MEF2C: variants seen among roughly 807,000 people sequenced by gnomAD.
MEF2C encodes myocyte-specific enhancer factor 2C.
Under a neutral mutation model 50.5 loss-of-function variants are expected in MEF2C, and 6 were observed. That is an observed-to-expected ratio of 0.12 (90% confidence interval 0.07 to 0.23). The LOEUF (loss-of-function observed/expected upper bound fraction) is 0.23. Ranked by LOEUF, MEF2C falls within the 10% of genes least tolerant of loss-of-function variation. MEF2C has a pLI of 1.00. For missense variants in MEF2C, 276 were observed against 605.0 expected, an observed-to-expected ratio of 0.46 and a Z score of 5.70; for synonymous variants, 183 against 228.0, an observed-to-expected ratio of 0.80 and a Z score of 1.78.
At chr5:88,739,759 T>G (rs2152398383) in intron 6 of MEF2C, 1 of 984,794 alleles carries the variant, frequency 1.0e-6, no homozygotes, top group Non-Finnish European at 1.2e-6. Context: ...AAAAAGATAT[T>G]TTACATTGAA....
chr5:88,843,134 G>A (rs190091170), intron 1 of MEF2C, among the ~76,000 whole-genome samples: 12 of 150,614 alleles, frequency 8.0e-5, no homozygotes, highest in African/African-American at 2.7e-4. Flanking sequence ...CAACCCTAAC[G>A]TTTTTCCTAT....
rs138128802 is a variant in MEF2C, at chr5:88,844,546, C to T, written c.-142-20616G>A. 1.2e-5 allele frequency: 5 copies of T among 406,152 alleles called. No homozygotes were observed. The East Asian group carries it at 4.8e-4, about 39-fold the overall frequency. 25.2% of individuals were successfully genotyped at this position (406,152 alleles called of 1,614,324 possible). A position where few individuals can be genotyped will look rare whatever the true frequency, so the allele number is the denominator to read the frequency against. On this transcript the variant is annotated intron_variant, in intron 1 of 10. Coordinates refer to ENST00000504921, the MANE Select transcript of MEF2C (RefSeq NM_002397.5). ...GAGAAGGGTTTTTGTTTTGTTTCTG[C>T]TTGGTTTTTTGTTACCACTCTTTGA...
At chr5:88,864,677 G>T (rs1036635173) in intron 1 of MEF2C, among the ~76,000 whole-genome samples, 7 of 151,952 alleles carry the variant, frequency 4.6e-5, no homozygotes, top group Non-Finnish European at 1.0e-4. Flanking sequence ...GCACAGCCTT[G>T]AAGTCCTGGC....
At chr5:88,785,971 G>T (rs1790671468) in intron 3 of MEF2C, among the ~76,000 whole-genome samples, 1 of 152,124 alleles carries the variant, frequency 6.6e-6, no homozygotes, top group South Asian at 2.1e-4. Flanking sequence ...TGAATGAATA[G>T]AACTGGATTA....
chr5:88,852,959 C>T (rs1244609146), intron 1 of MEF2C, among the ~76,000 whole-genome samples: 1 of 151,540 alleles, frequency 6.6e-6, no homozygotes, highest in African/African-American at 2.4e-5. Flanking sequence ...CACAGAGGCT[C>T]ATGTTGGTAA....
At chr5:88,854,769 C>T (rs966879979) in intron 1 of MEF2C, among the ~76,000 whole-genome samples, 7 of 152,044 alleles carry the variant, frequency 4.6e-5, no homozygotes, top group African/African-American at 1.7e-4. Context: ...ACATTATTTC[C>T]ATTTTACAGT....
chr5:88,818,132 A>G (rs1241268936), intron 2 of MEF2C, among the ~76,000 whole-genome samples: 2 of 152,012 alleles, frequency 1.3e-5, no homozygotes, highest in Non-Finnish European at 2.9e-5. Context: ...AATGTTTGAG[A>G]TGATGGATAT....
At position 88,738,813 on chromosome 5, in the gene MEF2C, C is replaced by G; in HGVS notation, c.638-6912G>C. The G allele has an allele frequency of 4.1e-6, 4 of 985,264 alleles. No homozygotes were observed. In the South Asian group the frequency reaches 1.9e-4, roughly 46 times the overall value. The allele number at this position is 985,264 out of a possible 1,614,324, so 61.0% of individuals were successfully genotyped here. On this transcript the variant is annotated intron_variant, in intron 6 of 10. Transcript: ENST00000504921. ...TAAATAGTAGTTCTGGTTCAGAAGA[C>G]ACTGAATTCTCATAAAGAGGCACAG...
rs577157974 is a variant in MEF2C at position 88,841,386 on chromosome 5, AG to A, written c.-142-17457del. ...AGTGGGTGTGGTGGCGCATGCCTGG[AG>A]TACCAGCTACTCAGGAAGCTGAGAT... On this transcript the variant is annotated intron_variant, in intron 1 of 10. Transcript: ENST00000504921. Among the ~76,000 whole-genome samples, 308 of 152,126 alleles carry A rather than the reference AG, an allele frequency of 2.0e-3. 1 individual carries two copies. Among genetic ancestry groups the A allele is most frequent in the Admixed American group, 4.1e-3 (63 of 15,274 alleles).
chr5:88,827,433 TG>T (rs1811350923), intron 1 of MEF2C, among the ~76,000 whole-genome samples: 1 of 151,832 alleles, frequency 6.6e-6, no homozygotes, highest in African/African-American at 2.4e-5. Flanking sequence ...AAGTGTAAAA[TG>T]GGAACCAAAA....
intron 1 of MEF2C, chr5:88,838,660 TA>T (rs1307342765): frequency 1.0e-6 from 1 of 985,212 alleles, no homozygotes; most frequent in African/African-American, 1.7e-5. Context: ...AGTAGGTTTC[TA>T]AAACACACCT....
intron 3 of MEF2C, among the ~76,000 whole-genome samples, chr5:88,788,522 T>C (rs1792176069): frequency 6.6e-6 from 1 of 152,094 alleles, no homozygotes; most frequent in Admixed American, 6.5e-5. Flanking sequence ...TGCCAGTTAT[T>C]TGAATGAAAG....
chr5:88,763,975 T>C (rs1778928218), intron 3 of MEF2C, among the ~76,000 whole-genome samples: 1 of 152,200 alleles, frequency 6.6e-6, no homozygotes, highest in South Asian at 2.1e-4. Flanking sequence ...TATAAACCTT[T>C]AATTTAAAGC....
intron 3 of MEF2C, among the ~76,000 whole-genome samples, chr5:88,779,129 G>A (rs561788346): frequency 6.6e-6 from 1 of 152,344 alleles, no homozygotes; most frequent in African/African-American, 2.4e-5. Flanking sequence ...TGCGCTTAAA[G>A]TCCATTTTCT....
At chr5:88,744,005 C>T (rs1353227356) in intron 6 of MEF2C, 5 of 964,054 alleles carry the variant, frequency 5.2e-6, no homozygotes, top group Non-Finnish European at 6.2e-6. Context: ...AAAGGAATTC[C>T]TAAAGGTTTT....
chr5:88,900,844 C>A (rs751065318), intron 1 of MEF2C, among the ~76,000 whole-genome samples: 2 of 151,964 alleles, frequency 1.3e-5, no homozygotes, highest in African/African-American at 4.8e-5. Context: ...AAGGTCACCA[C>A]CTTGGTGACC....
intron 1 of MEF2C, among the ~76,000 whole-genome samples, chr5:88,829,410 C>G (rs889086156): frequency 5.9e-5 from 9 of 151,960 alleles, no homozygotes; most frequent in African/African-American, 2.2e-4. Flanking sequence ...GCAATTGAAA[C>G]TGTATGTTTG....
At chr5:88,894,065 A>G (rs545426353) in intron 1 of MEF2C, among the ~76,000 whole-genome samples, 1 of 152,336 alleles carries the variant, frequency 6.6e-6, no homozygotes, top group African/African-American at 2.4e-5. Flanking sequence ...TGAAATGAAT[A>G]TTTGAAGTAC....
At chr5:88,842,989 C>T (rs572708797) in intron 1 of MEF2C, among the ~76,000 whole-genome samples, 4 of 152,246 alleles carry the variant, frequency 2.6e-5, no homozygotes, top group African/African-American at 9.6e-5. Flanking sequence ...GAGAAACACA[C>T]TGCCCCTCCT....
Sources: allele counts gnomAD v4.1 joint callset (sites outside exome capture counted in the v4.1 genomes callset), GRCh38; gene constraint gnomAD v4.1.1; transcripts MANE v1.5; gene names NCBI Gene and HGNC (gene_info 2026-07-23, HGNC 2026-07-21).